ROBO1: variants seen among roughly 807,000 people sequenced by gnomAD.
ROBO1 encodes roundabout homolog 1.
ROBO1 carries 149 observed loss-of-function variants against 195.9 expected under a neutral mutation model. The observed-to-expected ratio is 0.76, with a 90% CI of 0.67 to 0.87. The LOEUF (loss-of-function observed/expected upper bound fraction) is 0.87, where lower values mean the gene tolerates loss of function less well. Ranked by LOEUF, ROBO1 falls within the 40% of genes least tolerant of loss-of-function variation. The pLI is 0.00. For missense variants in ROBO1, 1,933 were observed against 2,068.3 expected (o/e 0.93, Z 1.27); for synonymous variants, 816 against 733.2 (o/e 1.11, Z -1.82).
intron 22 of ROBO1, among the ~76,000 whole-genome samples, chr3:78,638,304 CAT>C (rs1428687564): frequency 3.4e-5 from 5 of 145,126 alleles, no homozygotes; most frequent in Non-Finnish European, 6.1e-5. Context: ...TATATACATA[CAT>C]ATATGTGTGT....
At chr3:78,963,328 G>A (rs1352154857) in intron 3 of ROBO1, among the ~76,000 whole-genome samples, 1 of 151,760 alleles carries the variant, frequency 6.6e-6, no homozygotes, top group Non-Finnish European at 1.5e-5. Context: ...GTTAAGTGAA[G>A]TGGGCAGACT....
At chr3:79,612,193 C>A (rs991933803) in intron 1 of ROBO1, among the ~76,000 whole-genome samples, 34 of 148,154 alleles carry the variant, frequency 2.3e-4, no homozygotes, top group African/African-American at 8.3e-4. Context: ...CACCACCCCA[C>A]AACAGTCCCC....
intron 2 of ROBO1, among the ~76,000 whole-genome samples, chr3:79,541,887 C>T (rs1942085381): frequency 6.7e-6 from 1 of 150,222 alleles, no homozygotes; most frequent in Admixed American, 6.7e-5. Context: ...TATAGTAGTT[C>T]AAAATGTTCC....
At chr3:78,933,031 G>T (rs1177251484) in intron 4 of ROBO1, among the ~76,000 whole-genome samples, 1 of 152,112 alleles carries the variant, frequency 6.6e-6, no homozygotes, top group African/African-American at 2.4e-5. Flanking sequence ...ACTTCTGTGA[G>T]ATTAAACAGA....
chr3:79,072,140 T>C (rs1377033704), intron 3 of ROBO1, among the ~76,000 whole-genome samples: 1 of 151,926 alleles, frequency 6.6e-6, no homozygotes, highest in African/African-American at 2.4e-5. Flanking sequence ...CATTTTGACA[T>C]ACTCAGTCTT....
intron 1 of ROBO1, among the ~76,000 whole-genome samples, chr3:79,603,991 A>G (rs1429571591): frequency 6.6e-6 from 1 of 152,064 alleles, no homozygotes; most frequent in Non-Finnish European, 1.5e-5. Context: ...CTCTGTTTCA[A>G]CAAGTGATAC....
At chr3:79,290,404 C>A (rs1236982674) in intron 2 of ROBO1, among the ~76,000 whole-genome samples, 1 of 152,068 alleles carries the variant, frequency 6.6e-6, no homozygotes, top group Non-Finnish European at 1.5e-5. Flanking sequence ...TGTTTCAAAT[C>A]TGATCCCCAA....
intron 4 of ROBO1, among the ~76,000 whole-genome samples, chr3:78,860,322 A>T (rs1214216727): frequency 3.0e-4 from 22 of 73,890 alleles, no homozygotes; most frequent in African/African-American, 1.2e-3. Flanking sequence ...ATATATATAT[A>T]TATATTTTTT....
At chr3:78,709,082 T>C (rs1455566967) in intron 8 of ROBO1, among the ~76,000 whole-genome samples, 1 of 152,174 alleles carries the variant, frequency 6.6e-6, no homozygotes, top group African/African-American at 2.4e-5. Flanking sequence ...ACACTAAGTA[T>C]AAATGTAACA....
intron 3 of ROBO1, among the ~76,000 whole-genome samples, chr3:79,020,401 G>A (rs1486241789): frequency 6.6e-6 from 1 of 151,984 alleles, no homozygotes; most frequent in East Asian, 1.9e-4. Flanking sequence ...CTTTTAAATA[G>A]GACACAGTGG....
intron 2 of ROBO1, among the ~76,000 whole-genome samples, chr3:79,481,301 C>G (rs79595233): frequency 7.2e-5 from 11 of 152,040 alleles, no homozygotes; most frequent in Non-Finnish European, 1.6e-4. Context: ...TGAATTTTGT[C>G]GAACACAATT....
At chr3:78,704,642 T>C (rs2081505040) in intron 8 of ROBO1, among the ~76,000 whole-genome samples, 1 of 121,460 alleles carries the variant, frequency 8.2e-6, no homozygotes, top group Admixed American at 1.1e-4. Flanking sequence ...CTGGACAACA[T>C]AGTGAGACCT....
intron 4 of ROBO1, among the ~76,000 whole-genome samples, chr3:78,857,568 C>G (rs188653503): frequency 1.3e-5 from 2 of 152,228 alleles, no homozygotes; most frequent in East Asian, 3.9e-4. Context: ...TTTTCCCAGA[C>G]CAGCAGCATC....
chr3:79,531,734 A>T (rs1160374988), intron 2 of ROBO1, among the ~76,000 whole-genome samples: 1 of 152,212 alleles, frequency 6.6e-6, no homozygotes, highest in Non-Finnish European at 1.5e-5. Flanking sequence ...GCCTAGCAGA[A>T]TGAGACACTC....
intron 2 of ROBO1, among the ~76,000 whole-genome samples, chr3:79,127,498 T>C (rs1045629191): frequency 3.9e-5 from 6 of 152,226 alleles, no homozygotes; most frequent in African/African-American, 1.4e-4. Flanking sequence ...AGGGAAGTTC[T>C]ACTTTTAATT....
In ROBO1 at chr3:78,659,818, G is replaced by C; in HGVS notation, c.2321-11C>G. On this transcript the variant is annotated splice_polypyrimidine_tract_variant and intron_variant, in intron 16 of 30. Coordinates refer to ENST00000464233, the MANE Select transcript of ROBO1 (RefSeq NM_002941.4). ...GTGGGGCACTGGGTGCTATTAAATTGTTTTAAAAGGTAGGTTATTAGAATG... is the reference window on the plus strand; with the variant it reads ...GTGGGGCACTGGGTGCTATTAAATTCTTTTAAAAGGTAGGTTATTAGAATG... 6.3e-7 allele frequency: 1 copy of C among 1,589,870 alleles called. No homozygotes were observed. Among genetic ancestry groups the C allele is most frequent in the Non-Finnish European group, 8.6e-7 (1 of 1,167,986 alleles).
intron 1 of ROBO1, among the ~76,000 whole-genome samples, chr3:79,691,267 T>G (rs1004621935): frequency 1.3e-5 from 2 of 151,854 alleles, no homozygotes; most frequent in Admixed American, 1.3e-4. Flanking sequence ...TACCATCCTC[T>G]GCCCCTTCCC....
At chr3:78,786,142 C>G (rs892855280) in intron 4 of ROBO1, among the ~76,000 whole-genome samples, 1 of 152,116 alleles carries the variant, frequency 6.6e-6, no homozygotes, top group Admixed American at 6.5e-5. Flanking sequence ...GATTCCATGA[C>G]TTCCACCTAC....
At chr3:78,625,426 A>G (rs1311402271) in intron 26 of ROBO1, among the ~76,000 whole-genome samples, 1 of 152,222 alleles carries the variant, frequency 6.6e-6, no homozygotes, top group Admixed American at 6.5e-5. Context: ...ACAGCCATCA[A>G]AGTAAAAGAA....
Sources: gnomAD v4.1 joint callset for allele counts (sites outside exome capture counted in the v4.1 genomes callset) on GRCh38, gnomAD v4.1.1 for gene constraint, MANE v1.5 for transcripts, NCBI Gene and HGNC (gene_info 2026-07-23, HGNC 2026-07-21) for gene names.